Variants in DNAH3 observed in about 807,000 individuals in gnomAD.
DNAH3 encodes the protein dynein axonemal heavy chain 3, also known as axonemal beta dynein heavy chain 3.
In DNAH3, 332 loss-of-function variants were observed where a neutral mutation model predicts 432.5. That is an observed-to-expected ratio of 0.77 (90% CI 0.70 to 0.84). The LOEUF is 0.84. Among genes scored for constraint, DNAH3 ranks in the 40% least tolerant of loss-of-function variants. The pLI is 0.00. For synonymous variants in DNAH3, 1,956 were observed against 1,900.2 expected, an observed-to-expected ratio of 1.03 and a Z score of -0.76; for missense variants, 4,861 against 5,114.0, an observed-to-expected ratio of 0.95 and a Z score of 1.51.
intron 51 of DNAH3, among the ~76,000 whole-genome samples, chr16:20,971,814 A>G (rs1415723381): frequency 2.0e-5 from 3 of 152,248 alleles, no homozygotes; most frequent in African/African-American, 4.8e-5. Flanking sequence ...CCTTGGTCAC[A>G]TAGGCAAGTC....
intron 39 of DNAH3, among the ~76,000 whole-genome samples, chr16:21,024,093 C>A (rs2088409041): frequency 6.6e-6 from 1 of 152,084 alleles, no homozygotes; most frequent in Non-Finnish European, 1.5e-5. Context: ...TTTCCCACCT[C>A]TTTAGAGAAG....
At chr16:20,933,630 T>C in intron 61 of DNAH3, 123 bp from the exon 62 acceptor site, 1 of 733,986 alleles carries the variant, frequency 1.4e-6, no homozygotes, top group Non-Finnish European at 2.2e-6. Flanking sequence ...TCTCCCAGGA[T>C]CCAGGGACAA....
intron 26 of DNAH3, among the ~76,000 whole-genome samples, chr16:21,059,191 TG>T (rs1332045683): frequency 2.0e-5 from 3 of 152,204 alleles, no homozygotes; most frequent in African/African-American, 7.2e-5. Flanking sequence ...ATAGTTGCAT[TG>T]GGAATGTGGC....
intron 34 of DNAH3, among the ~76,000 whole-genome samples, chr16:21,037,334 C>A (rs542958226): frequency 1.3e-5 from 2 of 152,068 alleles, no homozygotes; most frequent in Non-Finnish European, 2.9e-5. Flanking sequence ...AACAAAAAAA[C>A]CGTGTAATTT....
At chr16:21,153,816 C>T (rs752511395) in intron 1 of DNAH3, among the ~76,000 whole-genome samples, 8 of 152,232 alleles carry the variant, frequency 5.3e-5, no homozygotes, top group Admixed American at 1.3e-4. Context: ...CAAGAACCTA[C>T]GAATTCCAGA....
chr16:21,013,827 A>C (rs920522328), intron 41 of DNAH3, among the ~76,000 whole-genome samples: 1 of 152,208 alleles, frequency 6.6e-6, no homozygotes, highest in Admixed American at 6.5e-5. Flanking sequence ...ATGCCAACAA[A>C]TTTGATAAAT....
intron 4 of DNAH3, 37 bp from the exon 6 acceptor site, chr16:21,140,747 T>G: frequency 6.2e-7 from 1 of 1,607,174 alleles, no homozygotes. Flanking sequence ...TGGTGTTTGG[T>G]TCTCCAGAGA....
intron 1 of DNAH3, among the ~76,000 whole-genome samples, chr16:21,155,671 A>G (rs796993238): frequency 5.3e-4 from 80 of 152,018 alleles, no homozygotes; most frequent in African/African-American, 1.9e-3. Flanking sequence ...GTCCCATTCA[A>G]TACATGGGCT....
intron 14 of DNAH3, among the ~76,000 whole-genome samples, chr16:21,107,734 C>T (rs758844003): frequency 2.0e-5 from 3 of 152,150 alleles, no homozygotes; most frequent in Non-Finnish European, 2.9e-5. Context: ...AAATGACTGA[C>T]GGTCTTGGCA....
At chr16:20,946,594 G>A (rs373785844) in intron 57 of DNAH3, among the ~76,000 whole-genome samples, 2 of 152,162 alleles carry the variant, frequency 1.3e-5, no homozygotes, top group African/African-American at 2.4e-5. Flanking sequence ...GCCTTGGCAT[G>A]TGACAGGTTG....
chr16:21,065,195 C>T (rs2090503619), intron 24 of DNAH3, among the ~76,000 whole-genome samples: 1 of 152,094 alleles, frequency 6.6e-6, no homozygotes, highest in Admixed American at 6.6e-5. Context: ...GAGTCTCGCT[C>T]TGTCACCCAG....
rs889139526 is a variant in DNAH3, at chr16:21,023,900, G to C, written c.5646+696C>G. 4.6e-5 allele frequency among the ~76,000 whole-genome samples: 7 copies of C among 151,988 alleles called. No homozygotes were observed. The East Asian group carries it at 7.7e-4, about 17-fold the overall frequency. On this transcript the variant is annotated intron_variant, in intron 39 of 61. Coordinates refer to ENST00000261383, the Ensembl canonical transcript of DNAH3. ...GTATGTAGGTGATGACAGACATTCAGCCGTCCTACATAATCTCCCAAAGAG... is the reference window on the plus strand; with the variant it reads ...GTATGTAGGTGATGACAGACATTCACCCGTCCTACATAATCTCCCAAAGAG...
chr16:21,120,913 G>A (rs1280471189), intron 10 of DNAH3: 2 of 1,294,146 alleles, frequency 1.5e-6, no homozygotes, highest in Non-Finnish European at 2.2e-6. Context: ...CCTTCCTAGG[G>A]ATACTGGTTG....
In DNAH3 at chr16:20,952,569, G is replaced by A; in HGVS notation, c.11072-20C>T. 6.7e-7 allele frequency: 1 copy of A among 1,494,718 alleles called. No individual in the cohort carries two copies. The highest frequency in any genetic ancestry group is 1.1e-5 in the South Asian group (1 of 88,626). 92.6% of individuals were successfully genotyped at this position (1,494,718 alleles called of 1,614,324 possible). On this transcript the variant is annotated intron_variant, in intron 55 of 61. Coordinates refer to ENST00000261383, the Ensembl canonical transcript of DNAH3. ...TCCACCCTGCGTGTGGGAGAGCAGA[G>A]AGAGGCTTCAGTGCTGAGAGCTCTT...
intron 44 of DNAH3, among the ~76,000 whole-genome samples, chr16:20,988,387 CTCAT>C (rs1163600869): frequency 1.1e-4 from 16 of 152,248 alleles, no homozygotes; most frequent in Admixed American, 2.6e-4. Context: ...TAGTTTAGTG[CTCAT>C]TATTATATCA....
chr16:21,077,219 G>A (rs2091006759), intron 20 of DNAH3, among the ~76,000 whole-genome samples: 1 of 151,986 alleles, frequency 6.6e-6, no homozygotes, highest in African/African-American at 2.4e-5. Context: ...GTGGAGTGCA[G>A]TGGCATGATC....
intron 57 of DNAH3, among the ~76,000 whole-genome samples, chr16:20,947,757 A>G (rs2084115000): frequency 6.6e-6 from 1 of 151,352 alleles, no homozygotes; most frequent in Admixed American, 6.6e-5. Flanking sequence ...CAGGTCATCA[A>G]TAAAAGTAAG....
chr16:21,117,219 G>C, exon 12 of DNAH3: 9 of 1,602,002 alleles, frequency 5.6e-6, no homozygotes, highest in Non-Finnish European at 7.6e-6. Context: ...GGGCCAACTT[G>C]ATTTTTCTGA....
At chr16:21,084,262 T>C (rs1186736080) in intron 19 of DNAH3, among the ~76,000 whole-genome samples, 1 of 152,166 alleles carries the variant, frequency 6.6e-6, no homozygotes, top group Non-Finnish European at 1.5e-5. Context: ...CCATAGCTGG[T>C]ACTCAGTACA....
Sources: allele counts gnomAD v4.1 joint callset (sites outside exome capture counted in the v4.1 genomes callset), GRCh38; gene constraint gnomAD v4.1.1; transcripts MANE v1.5; gene names NCBI Gene and HGNC (gene_info 2026-07-23, HGNC 2026-07-21).